The following ANKRD28 variants were observed in gnomAD, a reference collection of about 807,000 sequenced individuals.
ANKRD28 encodes ankyrin repeat domain 28.
In ANKRD28, 44 loss-of-function variants were observed where a neutral mutation model predicts 126.5. The ratio of observed to expected loss-of-function variants is 0.35; its 90% CI spans 0.27 to 0.45. ANKRD28 has a LOEUF of 0.45. Among genes scored for constraint, ANKRD28 ranks in the 20% least tolerant of loss-of-function variants. The pLI, the probability that ANKRD28 is intolerant of heterozygous loss-of-function variation, is 1.00. For missense variants in ANKRD28, 1,110 were observed against 1,316.6 expected (o/e 0.84, Z 2.43); for synonymous variants, 442 against 468.5 (o/e 0.94, Z 0.73).
chr3:15,809,805 T>G (rs2060669587), intron 1 of ANKRD28, among the ~76,000 whole-genome samples: 1 of 152,246 alleles, frequency 6.6e-6, no homozygotes, highest in African/African-American at 2.4e-5. Flanking sequence ...TCTACTTTTA[T>G]TTAGTCAACT....
At chr3:15,674,618 T>C (rs988689650) in intron 27 of ANKRD28, among the ~76,000 whole-genome samples, 1 of 152,176 alleles carries the variant, frequency 6.6e-6, no homozygotes, top group African/African-American at 2.4e-5. Context: ...CTCAGCATTA[T>C]AGGTAGTATT....
intron 2 of ANKRD28, among the ~76,000 whole-genome samples, chr3:15,785,958 G>A (rs1402532043): frequency 6.6e-6 from 1 of 151,988 alleles, no homozygotes; most frequent in Non-Finnish European, 1.5e-5. Flanking sequence ...CATACTATAT[G>A]ATTCCAACTA....
chr3:15,776,304 T>C (rs1170292845), intron 2 of ANKRD28, among the ~76,000 whole-genome samples: 2 of 152,196 alleles, frequency 1.3e-5, no homozygotes, highest in East Asian at 3.8e-4. Context: ...TGCACGCTTA[T>C]GTGCATCAGA....
Position 15,668,179 on chromosome 3 carries a change from G to A in ANKRD28, c.*2091C>T, listed in dbSNP as rs1490954699. On this transcript the variant is annotated 3_prime_UTR_variant, in exon 28 of 28. Transcript: ENST00000683139. The stretch of plus-strand genomic sequence containing the variant: ...GGTAGAGTCACTTGGAAGTGTTCAA[G>A]GTGGAAAGATCACCCTTGTAGAAGG... 2 of 152,136 alleles carry A rather than the reference G, an allele frequency of 1.3e-5. No homozygotes were observed. The highest frequency in any genetic ancestry group is 3.8e-4 in the East Asian group (2 of 5,196). 9.4% of individuals were successfully genotyped at this position (152,136 alleles called of 1,614,324 possible). A position where few individuals can be genotyped will look rare whatever the true frequency, so the allele number is the denominator to read the frequency against.
intron 1 of ANKRD28, among the ~76,000 whole-genome samples, chr3:15,852,222 TAAA>T (rs1222002068): frequency 6.6e-6 from 1 of 152,224 alleles, no homozygotes; most frequent in Non-Finnish European, 1.5e-5. Flanking sequence ...GGTTAAAATA[TAAA>T]AAAGATCAAA....
At chr3:15,772,951 T>A (rs1024525213) in intron 2 of ANKRD28, among the ~76,000 whole-genome samples, 2 of 152,034 alleles carry the variant, frequency 1.3e-5, no homozygotes, top group Non-Finnish European at 2.9e-5. Context: ...AATTTAATGG[T>A]GAAAGAGTGA....
chr3:15,674,174 C>CAAAAAAA (rs34806568), intron 27 of ANKRD28, among the ~76,000 whole-genome samples: 1,071 of 40,202 alleles, frequency 0.027, 209 homozygotes, highest in Non-Finnish European at 0.033. Flanking sequence ...CCTGCCTCTT[C>CAAAAAAA]AAAAAAAAAA....
intron 13 of ANKRD28, among the ~76,000 whole-genome samples, chr3:15,708,834 T>C (rs2071828859): frequency 6.6e-6 from 1 of 152,198 alleles, no homozygotes; most frequent in South Asian, 2.1e-4. Flanking sequence ...ACTTCTCTTC[T>C]GCACTGGTTC....
chr3:15,713,372 T>C (rs2072581334), intron 10 of ANKRD28, among the ~76,000 whole-genome samples, 155 bp downstream of exon 10: 1 of 152,210 alleles, frequency 6.6e-6, no homozygotes, highest in Admixed American at 6.5e-5. Context: ...TTAAACATTT[T>C]AACCTACCAC....
chr3:15,823,338 T>G (rs2060985434), intron 1 of ANKRD28, among the ~76,000 whole-genome samples: 1 of 152,176 alleles, frequency 6.6e-6, no homozygotes, highest in Non-Finnish European at 1.5e-5. Flanking sequence ...CAGTTCCTAA[T>G]GGGCCGTGGA....
In ANKRD28 at chr3:15,796,841, C is replaced by T; in HGVS notation, c.-320G>A. 1 of 988,128 alleles carries T rather than the reference C, an allele frequency of 1.0e-6. No individual in the cohort carries two copies. The highest frequency in any genetic ancestry group is 4.6e-5 in the South Asian group (1 of 21,842). The allele number at this position is 988,128 out of a possible 1,614,324, so 61.2% of individuals were successfully genotyped here. On this transcript the variant is annotated 5_prime_UTR_variant, in exon 1 of 28. Transcript: ENST00000683139. ...CTCATTTAAAAATATTTTTCCTCTA[C>T]CAAAATAGTCTTATTGCTCTATCTC...
Position 15,796,782 on chromosome 3 carries a change from C to A in ANKRD28, c.-261G>T. The A allele has an allele frequency of 3.0e-6, 3 of 991,414 alleles. No homozygotes were observed. The highest frequency in any genetic ancestry group is 3.6e-6 in the Non-Finnish European group (3 of 833,296). The allele number at this position is 991,414 out of a possible 1,614,324, so 61.4% of individuals were successfully genotyped here. ...CTGCAATACTTAAGAAGAAATTTCA[C>A]ACCAACATGTCAATAACTAAAACTG... On this transcript the variant is annotated 5_prime_UTR_variant, in exon 1 of 28. Coordinates refer to ENST00000683139, the MANE Select transcript of ANKRD28 (RefSeq NM_001349278.2).
chr3:15,707,224 T>A (rs1429827858), intron 14 of ANKRD28, among the ~76,000 whole-genome samples: 1 of 151,330 alleles, frequency 6.6e-6, no homozygotes. Flanking sequence ...TGAAAATCTT[T>A]TCTGTTTTCA....
chr3:15,799,242 A>T (rs979485403), upstream of ANKRD28, among the ~76,000 whole-genome samples: 2 of 151,962 alleles, frequency 1.3e-5, no homozygotes, highest in Non-Finnish European at 2.9e-5. Context: ...AAAGGAATAT[A>T]CTATTTATTG....
rs201872321 is a variant in ANKRD28 at position 15,740,552 on chromosome 3, G to C, written c.352-3319C>G. 4.6e-5 allele frequency among the ~76,000 whole-genome samples: 7 copies of C among 152,208 alleles called. No homozygotes were observed. The East Asian group carries it at 1.3e-3, about 29-fold the overall frequency. ...GGAAATGTTAGTAGGTATGTTAGTG[G>C]ATATAATAAATAATTTAAAATAAAA... On this transcript the variant is annotated intron_variant, in intron 4 of 27. Coordinates refer to ENST00000683139, the MANE Select transcript of ANKRD28 (RefSeq NM_001349278.2).
At chr3:15,835,504 T>C (rs2061303785) in intron 1 of ANKRD28, among the ~76,000 whole-genome samples, 1 of 152,230 alleles carries the variant, frequency 6.6e-6, no homozygotes, top group South Asian at 2.1e-4. Context: ...TGCTGCCATC[T>C]CTAAACAAAC....
At chr3:15,749,692 C>T (rs2057741405) in intron 4 of ANKRD28, among the ~76,000 whole-genome samples, 1 of 152,178 alleles carries the variant, frequency 6.6e-6, no homozygotes, top group Non-Finnish European at 1.5e-5. Flanking sequence ...TGGGTGTTCC[C>T]TTGATGTGGT....
chr3:15,819,975 G>A (rs1015257163), intron 1 of ANKRD28, among the ~76,000 whole-genome samples: 24 of 152,184 alleles, frequency 1.6e-4, no homozygotes, highest in African/African-American at 7.2e-5. Context: ...AAAGGCAAAA[G>A]CAAATGACCA....
At chr3:15,765,655 C>A (rs1215946630) in intron 3 of ANKRD28, among the ~76,000 whole-genome samples, 1 of 152,050 alleles carries the variant, frequency 6.6e-6, no homozygotes, top group Non-Finnish European at 1.5e-5. Flanking sequence ...TCCTGGCCAA[C>A]ATGGTGAAAC....
Sources: gnomAD v4.1 joint callset for allele counts (sites outside exome capture counted in the v4.1 genomes callset) on GRCh38, gnomAD v4.1.1 for gene constraint, MANE v1.5 for transcripts, NCBI Gene and HGNC (gene_info 2026-07-23, HGNC 2026-07-21) for gene names.